RBM6: variants seen among roughly 807,000 people sequenced by gnomAD.
RBM6 encodes the protein RNA-binding protein 6.
RBM6 carries 23 observed loss-of-function variants against 140.4 expected under a neutral mutation model. That is an observed-to-expected ratio of 0.16 (90% CI 0.12 to 0.23). The LOEUF (loss-of-function observed/expected upper bound fraction) is 0.23, where lower values mean the gene tolerates loss of function less well. Among genes scored for constraint, RBM6 ranks in the 10% least tolerant of loss-of-function variants. RBM6 has a pLI of 1.00. For missense variants in RBM6, 1,139 were observed against 1,386.7 expected, an observed-to-expected ratio of 0.82 and a Z score of 2.84; for synonymous variants, 439 against 475.6, an observed-to-expected ratio of 0.92 and a Z score of 1.00.
In RBM6 at chr3:49,979,438, GT is replaced by G. The variant is rs35205938; in HGVS notation, c.1483+4064del. Reference sequence around the variant, plus strand: ...TATTTGATGTGTATTTGCTTACTTTGTTTTTTTTTTTTTTTTTTGAGATGAA... The same window carrying G: ...TATTTGATGTGTATTTGCTTACTTTGTTTTTTTTTTTTTTTTTGAGATGAA... On this transcript the variant is annotated intron_variant, in intron 5 of 20. Transcript: ENST00000266022. Among the ~76,000 whole-genome samples the G allele has an allele frequency of 7.9e-3, 978 of 124,544 alleles. 8 individuals are homozygous for G. Among genetic ancestry groups the G allele is most frequent in the African/African-American group, 0.025 (822 of 33,454 alleles). 81.7% of individuals were successfully genotyped at this position (124,544 alleles called of 152,430 possible). A position where few individuals can be genotyped will look rare whatever the true frequency, so the allele number is the denominator to read the frequency against.
intron 6 of RBM6, among the ~76,000 whole-genome samples, chr3:50,010,517 A>G (rs1457341044): frequency 6.6e-6 from 1 of 152,146 alleles, no homozygotes; most frequent in Non-Finnish European, 1.5e-5. Flanking sequence ...CATGTACTAA[A>G]AGCCATTAAA....
At chr3:49,984,629 TCGCA>T (rs2085473537) in intron 5 of RBM6, among the ~76,000 whole-genome samples, 1 of 46,640 alleles carries the variant, frequency 2.1e-5, no homozygotes, top group Non-Finnish European at 6.2e-5. Context: ...TCGCATCGCA[TCGCA>T]TCGCATCGCA....
At chr3:50,036,969 A>G (rs952957762) in intron 6 of RBM6, among the ~76,000 whole-genome samples, 1 of 151,908 alleles carries the variant, frequency 6.6e-6, no homozygotes, top group African/African-American at 2.4e-5. Context: ...AATTTTTAGT[A>G]GAGACGGGGC....
In RBM6 at chr3:50,057,830, A is replaced by T; in HGVS notation, c.1796A>T (p.Asp599Val). ...KQPNQPLRPA[D>V]KEPEPRKREE... is the part of the protein sequence containing the mutation. ...CCCAACCAGCCCCTAAGACCAGCTG[A>T]TAAGGAACCTGAACCCAGGAAGAGG... Residue 599 changes from aspartate to valine, a missense_variant, in exon 9 of 21, where the codon GAT becomes GTT. Asp to Val is a radical substitution (Grantham distance 152). Around this residue, in one of 9 missense-constraint regions of RBM6, gnomAD observed 109 missense variants for 101.9 expected, o/e 1.07. Coordinates refer to ENST00000266022, the MANE Select transcript of RBM6 (RefSeq NM_005777.3). 1.2e-6 allele frequency: 2 copies of T among 1,614,086 alleles called. No individual in the cohort carries two copies. The highest frequency in any genetic ancestry group is 1.7e-4 in the Middle Eastern group (1 of 6,060).
chr3:49,967,956 C>T lies in RBM6; in HGVS notation c.531C>T (p.Gly177=), dbSNP rs1458775263. 2 of 1,614,078 alleles carry T rather than the reference C, an allele frequency of 1.2e-6. No individual in the cohort carries two copies. The highest frequency in any genetic ancestry group is 1.1e-5 in the South Asian group (1 of 91,072). The change falls in exon 3 of 21, where the codon GGC becomes GGT. Residue 177 remains glycine, a synonymous_variant. Coordinates refer to ENST00000266022, the MANE Select transcript of RBM6 (RefSeq NM_005777.3). This position sits in a 1 kb window ranked among gnomAD's most constrained non-coding sequence, Gnocchi z 4.0. ...GRDAPPSDFR[G]RGTYDLDFRG... ...ATGCTCCTCCATCTGACTTCAGGGG[C>T]CGGGGCACTTATGATTTAGATTTTA...
chr3:50,035,924 T>C (rs1473659376), intron 6 of RBM6, among the ~76,000 whole-genome samples: 1 of 151,898 alleles, frequency 6.6e-6, no homozygotes, highest in East Asian at 2.0e-4. Flanking sequence ...CATGTCTGGC[T>C]AATTTTTTTG....
chr3:50,071,234 G>A (rs2090289195), intron 19 of RBM6, among the ~76,000 whole-genome samples: 1 of 152,162 alleles, frequency 6.6e-6, no homozygotes, highest in African/African-American at 2.4e-5. Context: ...TAGTTTGATG[G>A]TCCTGAACAC....
chr3:49,981,997 C>T (rs1349406221), intron 5 of RBM6, among the ~76,000 whole-genome samples: 1 of 152,180 alleles, frequency 6.6e-6, no homozygotes, highest in Non-Finnish European at 1.5e-5. Flanking sequence ...TACAGAATTA[C>T]TTTAGTACTG....
intron 1 of RBM6, among the ~76,000 whole-genome samples, chr3:49,946,848 G>GT (rs778856917): frequency 2.6e-3 from 356 of 139,608 alleles, no homozygotes; most frequent in Middle Eastern, 3.5e-3. Flanking sequence ...TTTCTGTTTC[G>GT]TTTTTTTTTT....
At chr3:50,075,052 A>G in intron 19 of RBM6, 149 bp from the exon 20 acceptor site, 2 of 861,218 alleles carry the variant, frequency 2.3e-6, no homozygotes, top group Non-Finnish European at 3.4e-6. Context: ...GCTAATCGGG[A>G]GGCTGAGGCA....
At chr3:49,946,009 A>G (rs1301312278) in intron 1 of RBM6, among the ~76,000 whole-genome samples, 1 of 151,764 alleles carries the variant, frequency 6.6e-6, no homozygotes, top group Admixed American at 6.6e-5. Context: ...CTGCATGAGG[A>G]CAGAGGTAGA....
chr3:49,962,263 C>A (rs1197306245), intron 1 of RBM6, among the ~76,000 whole-genome samples: 2 of 149,198 alleles, frequency 1.3e-5, no homozygotes, highest in African/African-American at 4.9e-5. Context: ...CCACAGTAAA[C>A]CCCGTCTCTA....
rs368553992 is a variant in RBM6 at position 50,035,333 on chromosome 3, T to C, written c.1558-12912T>C. On this transcript the variant is annotated intron_variant, in intron 6 of 20. Coordinates refer to ENST00000266022, the MANE Select transcript of RBM6 (RefSeq NM_005777.3). The stretch of plus-strand genomic sequence containing the variant: ...ACCAACACATAGCCTTTCAACAGGA[T>C]AGAGAGCAGTTAAAACTGCCCTGGA... Among the ~76,000 whole-genome samples, 39 of 152,094 alleles carry C rather than the reference T, an allele frequency of 2.6e-4. No individual in the cohort carries two copies. The South Asian group carries it at 8.1e-3, about 32-fold the overall frequency.
chr3:50,042,470 C>G (rs766769799), intron 6 of RBM6, among the ~76,000 whole-genome samples: 1 of 152,174 alleles, frequency 6.6e-6, no homozygotes, highest in Non-Finnish European at 1.5e-5. Flanking sequence ...CCATAACTCA[C>G]GCCTGTAATC....
At chr3:50,021,104 G>A (rs1295814128) in intron 6 of RBM6, among the ~76,000 whole-genome samples, 2 of 152,150 alleles carry the variant, frequency 1.3e-5, no homozygotes, top group East Asian at 1.9e-4. Flanking sequence ...ACTGGAAAAG[G>A]TATGTTTTAT....
chr3:49,986,184 G>A (rs901100164), intron 5 of RBM6, among the ~76,000 whole-genome samples: 8 of 151,494 alleles, frequency 5.3e-5, no homozygotes, highest in African/African-American at 1.5e-4. Context: ...AGTAGAGACG[G>A]GGTTTCACCA....
At chr3:50,010,165 G>A (rs2086775146) in intron 6 of RBM6, among the ~76,000 whole-genome samples, 1 of 152,192 alleles carries the variant, frequency 6.6e-6, no homozygotes, top group Admixed American at 6.5e-5. Flanking sequence ...GGGATTACAG[G>A]CGTGAGTGAT....
At chr3:50,003,706 C>A (rs376326128) in intron 6 of RBM6, among the ~76,000 whole-genome samples, 34 of 152,316 alleles carry the variant, frequency 2.2e-4, no homozygotes, top group African/African-American at 7.9e-4. Flanking sequence ...TGCTCTGCAG[C>A]AGTACTGAGC....
intron 1 of RBM6, among the ~76,000 whole-genome samples, chr3:49,962,150 T>TAAAA (rs66697775): frequency 2.7e-5 from 3 of 112,458 alleles, no homozygotes; most frequent in African/African-American, 1.0e-4. Context: ...CTCCATCTCT[T>TAAAA]AAAAAAAAAA....
Sources: allele counts gnomAD v4.1 joint callset (sites outside exome capture counted in the v4.1 genomes callset), GRCh38; gene constraint gnomAD v4.1.1; regional missense constraint gnomAD v4.1.1; non-coding constraint Gnocchi (gnomAD v3.1); transcripts MANE v1.5; gene names NCBI Gene and HGNC (gene_info 2026-07-23, HGNC 2026-07-21).